Variants in TASP1 observed in about 807,000 individuals in gnomAD.
The protein encoded by TASP1 is threonine aspartase 1.
TASP1 carries 16 observed loss-of-function variants against 56.6 expected under a neutral mutation model. The observed-to-expected ratio is 0.28, with a 90% CI of 0.19 to 0.43. TASP1 has a LOEUF of 0.43. Ranked by LOEUF, TASP1 falls within the 20% of genes least tolerant of loss-of-function variation. The probability of loss-of-function intolerance (pLI) is 1.00; values close to 1 mark genes in which losing one functional copy is unlikely to be tolerated. For missense variants in TASP1, 393 were observed against 511.6 expected (o/e 0.77, Z 2.24); for synonymous variants, 179 against 184.2 (o/e 0.97, Z 0.23).
chr20:13,551,380 T>C (rs2045977040), intron 8 of TASP1, among the ~76,000 whole-genome samples: 1 of 151,930 alleles, frequency 6.6e-6, no homozygotes, highest in African/African-American at 2.4e-5. Context: ...AGGAGGCAAA[T>C]AATTATGTAC....
the TASP1 span, among the ~76,000 whole-genome samples, chr20:13,162,745 T>C: frequency 6.6e-6 from 1 of 152,128 alleles, no homozygotes; most frequent in Non-Finnish European, 1.5e-5. Flanking sequence ...TATAAATATA[T>C]AGCCAGCCAG....
chr20:13,161,793 C>T, the TASP1 span, among the ~76,000 whole-genome samples: 2 of 152,114 alleles, frequency 1.3e-5, no homozygotes, highest in Non-Finnish European at 2.9e-5. Flanking sequence ...AAGAGGATAA[C>T]TTGAGTTTGA....
chr20:13,222,061 A>G, the TASP1 span: 33 of 805,678 alleles, frequency 4.1e-5, no homozygotes, highest in South Asian at 1.2e-3. Flanking sequence ...TGCCCGGGCC[A>G]CTTGACTTAG....
At chr20:13,227,329 G>A in the TASP1 span, among the ~76,000 whole-genome samples, 3 of 150,982 alleles carry the variant, frequency 2.0e-5, no homozygotes, top group Admixed American at 6.6e-5. Context: ...TCAGCCTCCC[G>A]AGTAGCTGGG....
chr20:13,422,965 TG>T (rs1474635601), intron 12 of TASP1, among the ~76,000 whole-genome samples: 2 of 152,202 alleles, frequency 1.3e-5, no homozygotes, highest in African/African-American at 4.8e-5. Flanking sequence ...TAATGAGGAT[TG>T]ACTGTATTTA....
the TASP1 span, among the ~76,000 whole-genome samples, chr20:13,376,408 G>T: frequency 6.6e-6 from 1 of 152,030 alleles, no homozygotes; most frequent in Non-Finnish European, 1.5e-5. Flanking sequence ...TATTTCTGAG[G>T]CCTCTGTTCT....
the TASP1 span, among the ~76,000 whole-genome samples, chr20:13,105,204 C>G: frequency 6.6e-6 from 1 of 152,054 alleles, no homozygotes; most frequent in Non-Finnish European, 1.5e-5. Flanking sequence ...CGAGCGCAGT[C>G]TTCCCTTTTC....
chr20:13,547,104 T>G (rs758484744), intron 8 of TASP1, among the ~76,000 whole-genome samples: 1 of 152,200 alleles, frequency 6.6e-6, no homozygotes, highest in Non-Finnish European at 1.5e-5. Context: ...TAATGTCAAC[T>G]GAGTAAAGGC....
intron 13 of TASP1, among the ~76,000 whole-genome samples, chr20:13,394,929 G>A (rs982498849): frequency 1.7e-4 from 26 of 152,050 alleles, no homozygotes; most frequent in African/African-American, 5.8e-4. Flanking sequence ...AATTTAGCTC[G>A]AAGATTTTAA....
intron 7 of TASP1, among the ~76,000 whole-genome samples, chr20:13,563,054 A>AAC (rs923201047): frequency 1.2e-4 from 17 of 147,386 alleles, no homozygotes; most frequent in African/African-American, 3.5e-4. Flanking sequence ...ACACATACAC[A>AAC]ACACACACAC....
chr20:13,279,615 C>A, the TASP1 span: 3 of 1,604,998 alleles, frequency 1.9e-6, no homozygotes, highest in Non-Finnish European at 2.6e-6. Flanking sequence ...CTGACCCCAG[C>A]CTGTTCTGAA....
chr20:13,591,353 A>C (rs753401624), intron 4 of TASP1, among the ~76,000 whole-genome samples: 1 of 152,174 alleles, frequency 6.6e-6, no homozygotes. Context: ...AAGAGCAAAA[A>C]GACACATGTG....
At chr20:13,539,526 G>A (rs1044729823) in intron 8 of TASP1, among the ~76,000 whole-genome samples, 1 of 152,030 alleles carries the variant, frequency 6.6e-6, no homozygotes, top group African/African-American at 2.4e-5. Flanking sequence ...CTCCAGTCAG[G>A]ACAACAGAGT....
At chr20:13,219,956 G>A in the TASP1 span, among the ~76,000 whole-genome samples, 74 of 152,284 alleles carry the variant, frequency 4.9e-4, no homozygotes, top group African/African-American at 1.7e-3. Context: ...ATTGGGGAGG[G>A]GGAAAGGGAG....
At chr20:13,381,364 C>T in the TASP1 span, among the ~76,000 whole-genome samples, 1 of 152,150 alleles carries the variant, frequency 6.6e-6, no homozygotes. Context: ...CCAGGTGAGG[C>T]TACGTGCCAC....
intron 1 of TASP1, among the ~76,000 whole-genome samples, chr20:13,630,415 G>T (rs766683299): frequency 3.9e-5 from 6 of 152,048 alleles, no homozygotes; most frequent in Non-Finnish European, 8.8e-5. Flanking sequence ...AGGGGCGAGC[G>T]CAGTGGCTTA....
At chr20:13,222,536 C>T in the TASP1 span, among the ~76,000 whole-genome samples, 1 of 152,012 alleles carries the variant, frequency 6.6e-6, no homozygotes, top group Non-Finnish European at 1.5e-5. Context: ...GGGGAAGGTG[C>T]AGAGTGAAGG....
At chr20:13,598,937 T>C (rs892339662) in intron 4 of TASP1, among the ~76,000 whole-genome samples, 1 of 152,212 alleles carries the variant, frequency 6.6e-6, no homozygotes, top group Non-Finnish European at 1.5e-5. Context: ...ATGCTCATCA[T>C]CACTGCTCAT....
chr20:13,213,358 A>C, the TASP1 span, among the ~76,000 whole-genome samples: 1 of 152,154 alleles, frequency 6.6e-6, no homozygotes, highest in African/African-American at 2.4e-5. Flanking sequence ...TTAACAACAA[A>C]TTTATTTCTC....
Sources: allele counts gnomAD v4.1 joint callset (sites outside exome capture counted in the v4.1 genomes callset), GRCh38; gene constraint gnomAD v4.1.1; transcripts MANE v1.5; gene names NCBI Gene and HGNC (gene_info 2026-07-23, HGNC 2026-07-21).